The following EYS variants were observed in gnomAD, a reference collection of about 807,000 sequenced individuals.
The protein encoded by EYS is EGF-like photoreceptor maintenance factor, also known as protein eyes shut homolog.
EYS carries 250 observed loss-of-function variants against 282.1 expected under a neutral mutation model. The ratio of observed to expected loss-of-function variants is 0.89; its 90% CI spans 0.80 to 0.98. The LOEUF (loss-of-function observed/expected upper bound fraction) is 0.98, where lower values mean the gene tolerates loss of function less well. EYS is among the 50% of genes least tolerant of loss of function. The probability of loss-of-function intolerance (pLI) is 0.00; values close to 1 mark genes in which losing one functional copy is unlikely to be tolerated. For missense variants in EYS, 4,016 were observed against 3,709.0 expected, an observed-to-expected ratio of 1.08 and a Z score of -2.15; for synonymous variants, 1,355 against 1,282.9, an observed-to-expected ratio of 1.06 and a Z score of -1.20.
In EYS at chr6:64,400,902, G is replaced by A. The variant is rs188046342; in HGVS notation, c.5928-12062C>T. Among the ~76,000 whole-genome samples the A allele has an allele frequency of 1.6e-4, 25 of 152,078 alleles. 1 individual carries two copies. In the East Asian group the frequency reaches 4.8e-3, roughly 29 times the overall value. ...GGTTTGTCATTTGGACTGACATAACGGTAATCACTAACTACTCTCCACTAA... is the reference window on the plus strand; with the variant it reads ...GGTTTGTCATTTGGACTGACATAACAGTAATCACTAACTACTCTCCACTAA... On this transcript the variant is annotated intron_variant, in intron 28 of 42. Coordinates refer to ENST00000503581, the MANE Select transcript of EYS (RefSeq NM_001142800.2).
intron 22 of EYS, chr6:64,631,422 C>T (rs1582974514): frequency 6.6e-6 from 1 of 152,284 alleles, no homozygotes; most frequent in East Asian, 1.9e-4. Flanking sequence ...CATAATCATT[C>T]TGCTAGTTAC....
chr6:64,214,730 G>A (rs1765879909), intron 31 of EYS, among the ~76,000 whole-genome samples: 1 of 151,894 alleles, frequency 6.6e-6, no homozygotes, highest in Non-Finnish European at 1.5e-5. Context: ...AAACCTAATT[G>A]TCAATGAGTA....
intron 22 of EYS, among the ~76,000 whole-genome samples, chr6:64,723,810 G>A (rs976793192): frequency 2.6e-5 from 4 of 152,124 alleles, no homozygotes; most frequent in Admixed American, 6.5e-5. Context: ...CATGGGTTTT[G>A]TCACAGCCTC....
chr6:64,045,113 C>T (rs34111289), intron 33 of EYS, among the ~76,000 whole-genome samples: 32,193 of 152,072 alleles, frequency 0.21, 3,669 homozygotes, highest in Middle Eastern at 0.34. Flanking sequence ...ACAAACATTG[C>T]TTTCAGCCAG....
rs544100579 is a variant in EYS at position 64,004,897 on chromosome 6, C to T, written c.6726-5714G>A. On this transcript the variant is annotated intron_variant, in intron 33 of 42. Coordinates refer to ENST00000503581, the MANE Select transcript of EYS (RefSeq NM_001142800.2). ...CATTTAGGTTGATTCCATGCCTTTC[C>T]TATTGTGAATAGTGCTGTGATGAAC... Among the ~76,000 whole-genome samples, 7 of 152,192 alleles carry T rather than the reference C, an allele frequency of 4.6e-5. No homozygotes were observed. In the South Asian group the frequency reaches 8.3e-4, roughly 18 times the overall value.
chr6:64,214,898 G>A (rs1765885856), intron 31 of EYS, among the ~76,000 whole-genome samples: 1 of 151,942 alleles, frequency 6.6e-6, no homozygotes, highest in African/African-American at 2.4e-5. Context: ...TGATATGTAT[G>A]TAATATATAT....
At chr6:63,959,788 C>T (rs1470948735) in intron 35 of EYS, among the ~76,000 whole-genome samples, 2 of 152,160 alleles carry the variant, frequency 1.3e-5, no homozygotes, top group Admixed American at 6.6e-5. Flanking sequence ...CACATGTTCT[C>T]ACTCATAACT....
At chr6:64,949,752 AT>A (rs978042221) in intron 14 of EYS, among the ~76,000 whole-genome samples, 16 of 152,002 alleles carry the variant, frequency 1.1e-4, no homozygotes, top group South Asian at 4.1e-4. Flanking sequence ...TCATCTTAAA[AT>A]TTTGCCTTTA....
chr6:64,370,978 CA>C (rs1403109669), intron 29 of EYS, among the ~76,000 whole-genome samples: 1 of 151,936 alleles, frequency 6.6e-6, no homozygotes, highest in African/African-American at 2.4e-5. Context: ...CTCCTAAATT[CA>C]TTGATCCTTT....
intron 31 of EYS, among the ~76,000 whole-genome samples, chr6:64,224,792 GA>G (rs890228726): frequency 3.3e-5 from 5 of 150,922 alleles, no homozygotes; most frequent in South Asian, 2.1e-4. Context: ...AATCCAGGGA[GA>G]AAAAAAATGT....
At chr6:65,003,600 G>A (rs1476679553) in intron 13 of EYS, among the ~76,000 whole-genome samples, 6 of 147,096 alleles carry the variant, frequency 4.1e-5, no homozygotes, top group African/African-American at 1.5e-4. Context: ...AACTTGCTGG[G>A]TTTTGTGTCT....
chr6:64,831,090 T>C lies in EYS; in HGVS notation c.2993-8268A>G, dbSNP rs373593034. ...CAACATCTTCCTTTCCCAGTCCTAC[T>C]TCTCTTTCCCCTCGCAGGCATTGCT... On this transcript the variant is annotated intron_variant, in intron 19 of 42. Coordinates refer to ENST00000503581, the MANE Select transcript of EYS (RefSeq NM_001142800.2). 2.0e-4 allele frequency among the ~76,000 whole-genome samples: 30 copies of C among 152,072 alleles called. No homozygotes were observed. In the East Asian group the frequency reaches 5.7e-3, roughly 29 times the overall value.
At chr6:65,084,272 T>C (rs1356650558) in intron 12 of EYS, among the ~76,000 whole-genome samples, 3 of 152,118 alleles carry the variant, frequency 2.0e-5, no homozygotes, top group African/African-American at 2.4e-5. Context: ...ATTAATTTAC[T>C]ATGAACTTAC....
intron 2 of EYS, among the ~76,000 whole-genome samples, chr6:65,585,790 TGA>T (rs1230654824): frequency 3.3e-5 from 5 of 151,842 alleles, no homozygotes; most frequent in African/African-American, 1.2e-4. Context: ...GTAAACTATA[TGA>T]GAGTCTTACA....
intron 42 of EYS, among the ~76,000 whole-genome samples, chr6:63,723,788 C>CATTATTATTATT (rs57873412): frequency 5.8e-5 from 8 of 138,182 alleles, no homozygotes; most frequent in African/African-American, 1.1e-4. Flanking sequence ...TACACATTGG[C>CATTATTATTATT]ATTATTATTA....
At chr6:63,741,973 G>A in intron 41 of EYS, 1 of 702,372 alleles carries the variant, frequency 1.4e-6, no homozygotes, top group Non-Finnish European at 2.6e-6. Context: ...ATGAGGATAA[G>A]TGCTAAGAAG....
chr6:64,112,969 C>G (rs1398507341), intron 31 of EYS, among the ~76,000 whole-genome samples: 1 of 151,740 alleles, frequency 6.6e-6, no homozygotes, highest in Non-Finnish European at 1.5e-5. Context: ...AATGAAAATG[C>G]AATTACAACA....
rs151031905 is a variant in EYS, at chr6:64,833,911, T to C, written c.2993-11089A>G. On this transcript the variant is annotated intron_variant, in intron 19 of 42. Coordinates refer to ENST00000503581, the MANE Select transcript of EYS (RefSeq NM_001142800.2). ...CATTTTACAATGTATGTTTCTCTTATTTCTGACAACTCTACCAAGTAACTG... is the reference window on the plus strand; with the variant it reads ...CATTTTACAATGTATGTTTCTCTTACTTCTGACAACTCTACCAAGTAACTG... Among the ~76,000 whole-genome samples, 163 of 152,078 alleles carry C rather than the reference T, an allele frequency of 1.1e-3. 3 individuals carry two copies. The East Asian group carries it at 0.026, about 24-fold the overall frequency.
At chr6:64,388,879 C>A (rs1262301283) in intron 28 of EYS, 39 bp from the exon 29 acceptor site, 3 of 1,253,434 alleles carry the variant, frequency 2.4e-6, no homozygotes, top group South Asian at 1.9e-5. Context: ...TAGTATAAGT[C>A]ATATAAACAT....
Sources: allele counts gnomAD v4.1 joint callset (sites outside exome capture counted in the v4.1 genomes callset), GRCh38; gene constraint gnomAD v4.1.1; transcripts MANE v1.5; gene names NCBI Gene and HGNC (gene_info 2026-07-23, HGNC 2026-07-21).